The following CDK6 variants were observed in gnomAD, a reference collection of about 807,000 sequenced individuals.
CDK6 encodes the protein cyclin-dependent kinase 6.
Under a neutral mutation model 37.1 loss-of-function variants are expected in CDK6, and 6 were observed. The ratio of observed to expected loss-of-function variants is 0.16; its 90% confidence interval spans 0.09 to 0.32. The LOEUF (loss-of-function observed/expected upper bound fraction) is 0.32. Among genes scored for constraint, CDK6 ranks in the 10% least tolerant of loss-of-function variants. CDK6 has a pLI of 1.00. For missense variants in CDK6, 224 were observed against 418.9 expected (o/e 0.53, Z 4.06); for synonymous variants, 160 against 161.3 (o/e 0.99, Z 0.06).
intron 4 of CDK6, among the ~76,000 whole-genome samples, chr7:92,702,744 C>T (rs1797881011): frequency 1.3e-5 from 2 of 152,132 alleles, no homozygotes; most frequent in South Asian, 2.1e-4. Flanking sequence ...GTGAAATGAC[C>T]TCTGAATCCC....
chr7:92,690,410 T>C (rs1181529112), intron 4 of CDK6, among the ~76,000 whole-genome samples: 12 of 152,214 alleles, frequency 7.9e-5, no homozygotes. Context: ...GTTAGGTTTG[T>C]TAAAAATCAG....
chr7:92,676,316 T>C (rs1361906538), intron 4 of CDK6, among the ~76,000 whole-genome samples: 3 of 152,246 alleles, frequency 2.0e-5, no homozygotes, highest in East Asian at 1.9e-4. Context: ...CTTTGAATGG[T>C]TGAATTTCTA....
At chr7:92,682,297 C>A (rs1797355990) in intron 4 of CDK6, among the ~76,000 whole-genome samples, 1 of 152,208 alleles carries the variant, frequency 6.6e-6, no homozygotes, top group African/African-American at 2.4e-5. Flanking sequence ...CCACTCTCTG[C>A]CTTCATTGTC....
chr7:92,652,654 T>C (rs977631336), intron 5 of CDK6, among the ~76,000 whole-genome samples: 1 of 152,110 alleles, frequency 6.6e-6, no homozygotes, highest in African/African-American at 2.4e-5. Flanking sequence ...TTGTGAAAAA[T>C]ATACTAACCC....
intron 5 of CDK6, among the ~76,000 whole-genome samples, chr7:92,652,955 AC>A (rs771402146): frequency 9.8e-5 from 15 of 152,352 alleles, no homozygotes; most frequent in Non-Finnish European, 1.9e-4. Flanking sequence ...CATTAAGACA[AC>A]TTAGCTGAAA....
chr7:92,621,967 A>G (rs1795813955), intron 6 of CDK6, among the ~76,000 whole-genome samples: 1 of 151,530 alleles, frequency 6.6e-6, no homozygotes, highest in African/African-American at 2.4e-5. Flanking sequence ...GTCACGCTTG[A>G]GTAGACAGTG....
chr7:92,712,751 C>T (rs1377145242), intron 4 of CDK6, among the ~76,000 whole-genome samples: 1 of 152,174 alleles, frequency 6.6e-6, no homozygotes. Flanking sequence ...ACATTTTTAA[C>T]ATCTACTTGC....
chr7:92,768,546 A>ATG (rs1295743222), intron 3 of CDK6, among the ~76,000 whole-genome samples: 1 of 152,136 alleles, frequency 6.6e-6, no homozygotes, highest in East Asian at 1.9e-4. Context: ...ACCAGGAGAG[A>ATG]TGTGTGTGTG....
chr7:92,758,597 G>A (rs1380702992), intron 3 of CDK6, among the ~76,000 whole-genome samples: 1 of 152,082 alleles, frequency 6.6e-6, no homozygotes, highest in Non-Finnish European at 1.5e-5. Context: ...TTTTGCTTAG[G>A]ATTGCCTTGG....
At chr7:92,817,158 T>C (rs890838469) in intron 2 of CDK6, among the ~76,000 whole-genome samples, 4 of 151,768 alleles carry the variant, frequency 2.6e-5, no homozygotes, top group South Asian at 2.1e-4. Flanking sequence ...TTTCAGAAAA[T>C]AGAAGAGGAA....
At chr7:92,718,907 A>T (rs1798299256) in intron 4 of CDK6, among the ~76,000 whole-genome samples, 1 of 152,104 alleles carries the variant, frequency 6.6e-6, no homozygotes, top group South Asian at 2.1e-4. Flanking sequence ...ATTTCCATTC[A>T]CCATCATCCC....
At chr7:92,632,196 G>A (rs576620118) in intron 5 of CDK6, among the ~76,000 whole-genome samples, 4 of 152,144 alleles carry the variant, frequency 2.6e-5, no homozygotes, top group East Asian at 3.9e-4. Context: ...GACATCAGCC[G>A]GATGTCAGCA....
chr7:92,706,242 A>G (rs1156917347), intron 4 of CDK6, among the ~76,000 whole-genome samples: 3 of 152,214 alleles, frequency 2.0e-5, no homozygotes, highest in African/African-American at 7.2e-5. Context: ...TAACATTAAA[A>G]TGCTCATTTT....
intron 3 of CDK6, among the ~76,000 whole-genome samples, chr7:92,751,886 T>C (rs1194873720): frequency 6.6e-6 from 1 of 152,114 alleles, no homozygotes; most frequent in Non-Finnish European, 1.5e-5. Flanking sequence ...ATTAAAATTA[T>C]AAAAATAAAT....
intron 5 of CDK6, among the ~76,000 whole-genome samples, chr7:92,645,525 G>T (rs1479934183): frequency 6.6e-6 from 1 of 152,242 alleles, no homozygotes; most frequent in African/African-American, 2.4e-5. Flanking sequence ...GTTCAATCCA[G>T]AAGTGTGCTC....
chr7:92,789,115 C>T (rs1800217997), intron 2 of CDK6, among the ~76,000 whole-genome samples: 1 of 152,076 alleles, frequency 6.6e-6, no homozygotes, highest in Non-Finnish European at 1.5e-5. Flanking sequence ...GTAAGAGTGA[C>T]ACTCTGTTTC....
rs1795570943 is a variant in CDK6, at chr7:92,611,930, C to CA, written c.*3209dup. The CA allele has an allele frequency of 8.6e-6, 2 of 232,776 alleles. No individual in the cohort carries two copies. The highest frequency in any genetic ancestry group is 1.2e-4 in the East Asian group (2 of 16,534). The allele number at this position is 232,776 out of a possible 1,614,324, so 14.4% of individuals were successfully genotyped here. ...GCTGAAATGGCCCCAAGCTTTCTTC[C>CA]AAAACAGGTTCTTTGCACCTTGAGT... On this transcript the variant is annotated 3_prime_UTR_variant, in exon 8 of 8. Transcript: ENST00000424848.
intron 5 of CDK6, among the ~76,000 whole-genome samples, chr7:92,646,604 G>C (rs530677676): frequency 6.6e-6 from 1 of 151,906 alleles, no homozygotes; most frequent in African/African-American, 2.4e-5. Flanking sequence ...CACCATGTTG[G>C]CCAGGCTGGT....
At chr7:92,641,252 C>T (rs147668206) in intron 5 of CDK6, among the ~76,000 whole-genome samples, 2 of 152,272 alleles carry the variant, frequency 1.3e-5, no homozygotes, top group East Asian at 1.9e-4. Flanking sequence ...GTTTTAGCAT[C>T]ATCCATTGAT....
Sources: gnomAD v4.1 joint callset for allele counts (sites outside exome capture counted in the v4.1 genomes callset) on GRCh38, gnomAD v4.1.1 for gene constraint, MANE v1.5 for transcripts, NCBI Gene and HGNC (gene_info 2026-07-23, HGNC 2026-07-21) for gene names.